The following SUCLG2 variants were observed in gnomAD, a reference collection of about 807,000 sequenced individuals.
SUCLG2 encodes succinate-CoA ligase GDP-forming subunit beta.
In SUCLG2, 42 loss-of-function variants were observed where a neutral mutation model predicts 47.9. That is an observed-to-expected ratio of 0.88 (90% CI 0.69 to 1.14). The LOEUF (loss-of-function observed/expected upper bound fraction) is 1.14, where lower values mean the gene tolerates loss of function less well. Among genes scored for constraint, SUCLG2 ranks in the 50% most tolerant of loss-of-function variants. SUCLG2 has a pLI of 0.00. For missense variants in SUCLG2, 571 were observed against 525.9 expected, an observed-to-expected ratio of 1.09 and a Z score of -0.84; for synonymous variants, 195 against 197.3, an observed-to-expected ratio of 0.99 and a Z score of 0.10.
At chr3:67,514,263 T>C (rs1035063109) in intron 6 of SUCLG2, 2 of 427,942 alleles carry the variant, frequency 4.7e-6, no homozygotes, top group African/African-American at 2.1e-5. Context: ...CTGACAGGAA[T>C]AGGAAAGAAA....
intron 9 of SUCLG2, among the ~76,000 whole-genome samples, chr3:67,436,728 T>TA (rs1370845900): frequency 6.6e-6 from 1 of 152,154 alleles, no homozygotes; most frequent in Non-Finnish European, 1.5e-5. Flanking sequence ...ATTTAGTGCT[T>TA]AAAAAAATTA....
At chr3:67,575,005 T>C (rs972856407) in intron 2 of SUCLG2, among the ~76,000 whole-genome samples, 1 of 152,170 alleles carries the variant, frequency 6.6e-6, no homozygotes, top group African/African-American at 2.4e-5. Flanking sequence ...CAGTGAAATA[T>C]CACTCTCTAC....
chr3:67,611,348 T>C (rs1265171427), intron 1 of SUCLG2, among the ~76,000 whole-genome samples: 3 of 152,212 alleles, frequency 2.0e-5, no homozygotes, highest in Admixed American at 2.0e-4. Context: ...TCATTTACCG[T>C]ATATTATTTT....
intron 2 of SUCLG2, among the ~76,000 whole-genome samples, chr3:67,568,640 C>A (rs1178826926): frequency 6.6e-6 from 1 of 152,162 alleles, no homozygotes; most frequent in Non-Finnish European, 1.5e-5. Context: ...GTAATCCCAG[C>A]ACTTTGGGAG....
At chr3:67,635,026 T>A (rs1349312570) in intron 1 of SUCLG2, among the ~76,000 whole-genome samples, 2 of 152,234 alleles carry the variant, frequency 1.3e-5, no homozygotes, top group African/African-American at 4.8e-5. Context: ...GCTTAGGGCA[T>A]CTGTCACGTA....
intron 9 of SUCLG2, among the ~76,000 whole-genome samples, chr3:67,495,441 T>C (rs1353837006): frequency 1.3e-5 from 2 of 151,828 alleles, no homozygotes; most frequent in Non-Finnish European, 2.9e-5. Context: ...GACCACGAGG[T>C]AGGGAGTTTG....
intron 9 of SUCLG2, among the ~76,000 whole-genome samples, chr3:67,473,878 T>C (rs1485714822): frequency 6.6e-6 from 1 of 152,194 alleles, no homozygotes; most frequent in Non-Finnish European, 1.5e-5. Flanking sequence ...TCAGCTCTTC[T>C]CTGAAGGAGG....
At chr3:67,506,118 A>G (rs998533409) in intron 7 of SUCLG2, among the ~76,000 whole-genome samples, 2 of 152,250 alleles carry the variant, frequency 1.3e-5, no homozygotes, top group Admixed American at 6.5e-5. Context: ...TTCTGCTACT[A>G]CTGATCTAAA....
chr3:67,387,633 G>A (rs902579746), intron 10 of SUCLG2, among the ~76,000 whole-genome samples: 1 of 152,116 alleles, frequency 6.6e-6, no homozygotes, highest in Non-Finnish European at 1.5e-5. Flanking sequence ...TAGTATTCCA[G>A]AAGAATTAAG....
rs141177175 is a variant in SUCLG2 at position 67,418,809 on chromosome 3, G to A, written c.1063-17958C>T. Among the ~76,000 whole-genome samples, 16 of 152,166 alleles carry A rather than the reference G, an allele frequency of 1.1e-4. 1 individual carries two copies. The East Asian group carries it at 2.9e-3, about 28-fold the overall frequency. On this transcript the variant is annotated intron_variant, in intron 9 of 10. Coordinates refer to ENST00000307227, the MANE Select transcript of SUCLG2 (RefSeq NM_003848.4). ...GGTGGGGCTTCCACTACCTTTAACT[G>A]TTCTTCATGGGATAATCACAAACGG... is the stretch of plus-strand genomic sequence containing the variant.
intron 4 of SUCLG2, among the ~76,000 whole-genome samples, chr3:67,524,136 A>AT (rs1403482018): frequency 2.0e-5 from 3 of 152,242 alleles, no homozygotes; most frequent in African/African-American, 7.2e-5. Flanking sequence ...GACAGAGTAT[A>AT]TTAGGAAGTG....
chr3:67,410,793 T>G (rs1490393155), intron 9 of SUCLG2, among the ~76,000 whole-genome samples: 1 of 152,160 alleles, frequency 6.6e-6, no homozygotes, highest in African/African-American at 2.4e-5. Context: ...GCTATTAGAA[T>G]TGACTCTTCA....
At chr3:67,525,803 C>T (rs1706239942) in intron 4 of SUCLG2, among the ~76,000 whole-genome samples, 5 of 152,164 alleles carry the variant, frequency 3.3e-5, no homozygotes, top group Admixed American at 3.3e-4. Flanking sequence ...CAAAATTAAA[C>T]ACTTTTGCCC....
intron 10 of SUCLG2, among the ~76,000 whole-genome samples, chr3:67,368,389 T>C (rs1052614515): frequency 2.6e-5 from 4 of 152,182 alleles, no homozygotes; most frequent in Non-Finnish European, 5.9e-5. Flanking sequence ...AATAAACTTT[T>C]ATTCTATTAT....
intron 8 of SUCLG2, among the ~76,000 whole-genome samples, chr3:67,497,115 G>A (rs1191342668): frequency 1.3e-5 from 2 of 152,152 alleles, no homozygotes; most frequent in Non-Finnish European, 2.9e-5. Flanking sequence ...ATCAGGATCA[G>A]AATGATGTGA....
chr3:67,482,285 A>T (rs1704938506), intron 9 of SUCLG2, among the ~76,000 whole-genome samples: 1 of 152,178 alleles, frequency 6.6e-6, no homozygotes, highest in African/African-American at 2.4e-5. Flanking sequence ...TAACCACTAG[A>T]AGAGAAATAT....
At chr3:67,364,038 T>C (rs547346315) in intron 10 of SUCLG2, among the ~76,000 whole-genome samples, 38 of 152,230 alleles carry the variant, frequency 2.5e-4, no homozygotes, top group African/African-American at 8.4e-4. Context: ...AAGCCTGTTG[T>C]CTGTAGCCAA....
Position 67,493,671 on chromosome 3 carries a change from G to A in SUCLG2, c.1062+2127C>T, listed in dbSNP as rs560238851. On this transcript the variant is annotated intron_variant, in intron 9 of 10. Coordinates refer to ENST00000307227, the MANE Select transcript of SUCLG2 (RefSeq NM_003848.4). Reference sequence around the variant, plus strand: ...CACAGAGTTTCAGTAGACGCTAAAAGTTCAGTATTTTATTACAATCGTCTG... The same window carrying A: ...CACAGAGTTTCAGTAGACGCTAAAAATTCAGTATTTTATTACAATCGTCTG... Among the ~76,000 whole-genome samples the A allele has an allele frequency of 3.3e-5, 5 of 152,182 alleles. No homozygotes were observed. In the South Asian group the frequency reaches 1.0e-3, roughly 32 times the overall value.
intron 2 of SUCLG2, among the ~76,000 whole-genome samples, chr3:67,605,991 T>C (rs1300278173): frequency 1.3e-5 from 2 of 151,882 alleles, no homozygotes; most frequent in South Asian, 2.1e-4. Flanking sequence ...GGCAGGAAGA[T>C]CACTTGAGGC....
Sources: gnomAD v4.1 joint callset for allele counts (sites outside exome capture counted in the v4.1 genomes callset) on GRCh38, gnomAD v4.1.1 for gene constraint, MANE v1.5 for transcripts, NCBI Gene and HGNC (gene_info 2026-07-23, HGNC 2026-07-21) for gene names.